Variants in IPO11 observed in about 807,000 individuals in gnomAD.
IPO11 encodes the protein importin-11.
A neutral mutation model predicts 143.2 loss-of-function variants in IPO11; 66 were observed. That is an observed-to-expected ratio of 0.46 (90% CI 0.38 to 0.57). The LOEUF (loss-of-function observed/expected upper bound fraction) is 0.57. Ranked by LOEUF, IPO11 falls within the 20% of genes least tolerant of loss-of-function variation. IPO11 has a pLI of 0.00. For missense variants in IPO11, 1,026 were observed against 1,141.0 expected, an observed-to-expected ratio of 0.90 and a Z score of 1.45; for synonymous variants, 385 against 377.8, an observed-to-expected ratio of 1.02 and a Z score of -0.22.
At chr5:62,507,879 C>CGTA (rs1274660699) in intron 19 of IPO11, among the ~76,000 whole-genome samples, 1 of 152,178 alleles carries the variant, frequency 6.6e-6, no homozygotes, top group Non-Finnish European at 1.5e-5. Flanking sequence ...GCCTAAGCAG[C>CGTA]TTACATGCCT....
At chr5:62,580,345 A>G (rs552585554) in intron 27 of IPO11, 1 of 1,543,316 alleles carries the variant, frequency 6.5e-7, no homozygotes, top group East Asian at 2.4e-5. Flanking sequence ...AAAGAATTTA[A>G]TTTACCTTAA....
At chr5:62,594,825 T>C (rs1440127652) in intron 28 of IPO11, among the ~76,000 whole-genome samples, 1 of 152,084 alleles carries the variant, frequency 6.6e-6, no homozygotes, top group Non-Finnish European at 1.5e-5. Context: ...CAATACCAGG[T>C]GCAAGAGAGA....
intron 13 of IPO11, among the ~76,000 whole-genome samples, chr5:62,488,239 T>G (rs568412612): frequency 2.0e-4 from 30 of 152,234 alleles, no homozygotes; most frequent in African/African-American, 7.2e-4. Flanking sequence ...TGAGAGAAAA[T>G]GATGATGTAA....
intron 8 of IPO11, among the ~76,000 whole-genome samples, 161 bp from the exon 9 acceptor site, chr5:62,476,522 G>T (rs1745962464): frequency 6.6e-6 from 1 of 152,122 alleles, no homozygotes; most frequent in Admixed American, 6.6e-5. Flanking sequence ...GGGCTACTGT[G>T]TCTGTTACTC....
chr5:62,437,454 T>C (rs200676582), intron 2 of IPO11, 37 bp downstream of exon 2: 13 of 1,558,546 alleles, frequency 8.3e-6, no homozygotes, highest in Middle Eastern at 3.4e-4. Flanking sequence ...TTCTTTTTAA[T>C]AAAATGAGAC....
At chr5:62,436,563 TC>T (rs1205896642) in intron 1 of IPO11, among the ~76,000 whole-genome samples, 1 of 152,188 alleles carries the variant, frequency 6.6e-6, no homozygotes, top group Non-Finnish European at 1.5e-5. Flanking sequence ...AGAAACAGAA[TC>T]CCGGAGAATT....
intron 21 of IPO11, 116 bp downstream of exon 21, chr5:62,526,373 G>A (rs1257712913): frequency 3.0e-6 from 2 of 676,660 alleles, no homozygotes; most frequent in Non-Finnish European, 5.0e-6. Flanking sequence ...TGTAAACTCT[G>A]TTTCTTCAAA....
intron 22 of IPO11, among the ~76,000 whole-genome samples, chr5:62,535,871 A>C (rs1231221722): frequency 6.6e-6 from 1 of 152,190 alleles, no homozygotes; most frequent in Non-Finnish European, 1.5e-5. Flanking sequence ...GGTTTTAGGC[A>C]TCGATGATAT....
At chr5:62,436,887 T>C (rs1373771412) in intron 1 of IPO11, among the ~76,000 whole-genome samples, 1 of 152,250 alleles carries the variant, frequency 6.6e-6, no homozygotes, top group Non-Finnish European at 1.5e-5. Flanking sequence ...TATGGTTTAA[T>C]ACTTTTATAA....
rs927253887 is a variant in IPO11 at position 62,483,936 on chromosome 5, T to G, written c.1022-74T>G. The G allele has an allele frequency of 5.5e-6, 7 of 1,261,720 alleles. No homozygotes were observed. In the Admixed American group the frequency reaches 1.8e-4, roughly 32 times the overall value. The allele number at this position is 1,261,720 out of a possible 1,614,324, so 78.2% of individuals were successfully genotyped here. A position where few individuals can be genotyped will look rare whatever the true frequency, so the allele number is the denominator to read the frequency against. ...TCTTCCCTGAGAGTGTATTTTTTAT[T>G]TATTTAAGTTACATAATCCAATGTA... On this transcript the variant is annotated intron_variant, in intron 10 of 29. Transcript: ENST00000325324.
At chr5:62,495,638 T>A (rs1048344218) in intron 16 of IPO11, among the ~76,000 whole-genome samples, 2 of 151,894 alleles carry the variant, frequency 1.3e-5, no homozygotes, top group African/African-American at 2.4e-5. Flanking sequence ...GCCTGGCTGA[T>A]TTTTCTGTTT....
At chr5:62,431,623 C>T (rs1013345723) in intron 1 of IPO11, among the ~76,000 whole-genome samples, 1 of 152,020 alleles carries the variant, frequency 6.6e-6, no homozygotes, top group African/African-American at 2.4e-5. Flanking sequence ...GCTGTACCAC[C>T]GGCTTACTCA....
intron 20 of IPO11, among the ~76,000 whole-genome samples, chr5:62,524,192 A>G (rs1281309201): frequency 6.6e-6 from 1 of 152,146 alleles, no homozygotes; most frequent in Non-Finnish European, 1.5e-5. Flanking sequence ...GATTGGACAC[A>G]TTCTTTAGCC....
chr5:62,416,025 A>C (rs1433003104), intron 1 of IPO11, among the ~76,000 whole-genome samples: 2 of 151,962 alleles, frequency 1.3e-5, no homozygotes, highest in African/African-American at 4.8e-5. Context: ...AGTTCTGGAG[A>C]GTGGAAGTCT....
intron 29 of IPO11, among the ~76,000 whole-genome samples, chr5:62,625,191 TG>T (rs1746521820): frequency 6.6e-6 from 1 of 152,148 alleles, no homozygotes; most frequent in African/African-American, 2.4e-5. Context: ...TGAAATATAA[TG>T]GGAAACTTTG....
intron 27 of IPO11, chr5:62,578,792 T>TAAAA: frequency 1.6e-4 from 54 of 338,644 alleles, no homozygotes; most frequent in East Asian, 3.5e-4. Flanking sequence ...AACGGTGACT[T>TAAAA]AAAAAAAAAA....
chr5:62,444,251 C>T (rs541677947), intron 3 of IPO11, among the ~76,000 whole-genome samples: 3 of 152,078 alleles, frequency 2.0e-5, no homozygotes, highest in African/African-American at 7.2e-5. Context: ...TGCCATCTTG[C>T]CCCGCTGATT....
At chr5:62,451,175 G>T (rs1047383610) in intron 4 of IPO11, among the ~76,000 whole-genome samples, 2 of 152,058 alleles carry the variant, frequency 1.3e-5, no homozygotes, top group African/African-American at 4.8e-5. Context: ...TTTAGGTCAG[G>T]ATTCCTAAAC....
chr5:62,434,688 T>G (rs866785533), intron 1 of IPO11, among the ~76,000 whole-genome samples: 1 of 152,234 alleles, frequency 6.6e-6, no homozygotes, highest in Non-Finnish European at 1.5e-5. Flanking sequence ...TAAAAAATAT[T>G]GGTTACATGT....
Sources: gnomAD v4.1 joint callset for allele counts (sites outside exome capture counted in the v4.1 genomes callset) on GRCh38, gnomAD v4.1.1 for gene constraint, MANE v1.5 for transcripts, NCBI Gene and HGNC (gene_info 2026-07-23, HGNC 2026-07-21) for gene names.